The following PDE7B variants were observed in gnomAD, a reference collection of about 807,000 sequenced individuals.
PDE7B encodes the protein phosphodiesterase 7B.
PDE7B carries 29 observed loss-of-function variants against 56.2 expected under a neutral mutation model. That is an observed-to-expected ratio of 0.52 (90% CI 0.38 to 0.70). The LOEUF (loss-of-function observed/expected upper bound fraction) is 0.70, where lower values mean the gene tolerates loss of function less well. PDE7B is among the 30% of genes least tolerant of loss of function. PDE7B has a pLI of 0.00. For synonymous variants in PDE7B, 197 were observed against 196.9 expected, an observed-to-expected ratio of 1.00 and a Z score of 0.00; for missense variants, 490 against 565.0, an observed-to-expected ratio of 0.87 and a Z score of 1.35.
intron 1 of PDE7B, among the ~76,000 whole-genome samples, chr6:135,914,184 T>A (rs1371069816): frequency 6.6e-6 from 1 of 152,238 alleles, no homozygotes; most frequent in Non-Finnish European, 1.5e-5. Flanking sequence ...GAGAAACTGA[T>A]GTTGGATATT....
intron 2 of PDE7B, among the ~76,000 whole-genome samples, chr6:135,955,540 C>T (rs1774777169): frequency 6.6e-6 from 1 of 152,030 alleles, no homozygotes; most frequent in Non-Finnish European, 1.5e-5. Flanking sequence ...GACAGGAAGG[C>T]AGGAGAGATT....
chr6:135,904,949 G>A (rs1239878336), intron 1 of PDE7B, among the ~76,000 whole-genome samples: 1 of 152,242 alleles, frequency 6.6e-6, no homozygotes, highest in Non-Finnish European at 1.5e-5. Context: ...ACATTCAGGG[G>A]TGGTTCATGG....
intron 1 of PDE7B, among the ~76,000 whole-genome samples, chr6:135,922,788 A>G (rs1275433980): frequency 1.3e-5 from 2 of 152,216 alleles, no homozygotes; most frequent in African/African-American, 4.8e-5. Context: ...TAGCATCATT[A>G]TACATTACTC....
At chr6:135,999,706 G>T (rs140134906) in intron 2 of PDE7B, among the ~76,000 whole-genome samples, 39 of 151,684 alleles carry the variant, frequency 2.6e-4, no homozygotes, top group African/African-American at 9.4e-4. Flanking sequence ...CTATTGTGAA[G>T]AGTGTTGCAA....
intron 3 of PDE7B, among the ~76,000 whole-genome samples, chr6:136,117,378 C>A (rs17065278): frequency 0.045 from 6,894 of 152,170 alleles, 528 homozygotes; most frequent in African/African-American, 0.15. Context: ...CCACCTTCAA[C>A]GTTTCAGAAT....
At chr6:135,867,306 A>C (rs941680871) in intron 1 of PDE7B, among the ~76,000 whole-genome samples, 1 of 152,192 alleles carries the variant, frequency 6.6e-6, no homozygotes, top group Non-Finnish European at 1.5e-5. Flanking sequence ...CAAAACAGAA[A>C]TTAGAAAATT....
chr6:135,948,290 A>G (rs1253057066), intron 2 of PDE7B, among the ~76,000 whole-genome samples: 1 of 152,076 alleles, frequency 6.6e-6, no homozygotes, highest in Middle Eastern at 3.2e-3. Context: ...TTATAGTAAT[A>G]GAAGTAAACA....
intron 2 of PDE7B, among the ~76,000 whole-genome samples, chr6:135,972,908 G>A (rs1348846119): frequency 6.6e-6 from 1 of 152,152 alleles, no homozygotes; most frequent in East Asian, 1.9e-4. Context: ...CACAATGTTT[G>A]GGGGCTTGTT....
intron 3 of PDE7B, among the ~76,000 whole-genome samples, chr6:136,118,030 T>G (rs1777869142): frequency 6.6e-6 from 1 of 152,196 alleles, no homozygotes; most frequent in Non-Finnish European, 1.5e-5. Context: ...AAGATTTTAA[T>G]TTGATTGGGT....
At position 136,024,282 on chromosome 6, in the gene PDE7B, G is replaced by A. The variant is rs114502620; in HGVS notation, c.82+76758G>A. On this transcript the variant is annotated intron_variant, in intron 2 of 12. Coordinates refer to ENST00000308191, the MANE Select transcript of PDE7B (RefSeq NM_018945.4). ...AAGTTGAAACATAAGGAAAAGAAAT[G>A]GCAGCAGATCAATAGTGAGGTAAAG... Among the ~76,000 whole-genome samples the A allele has an allele frequency of 3.7e-3, 564 of 152,246 alleles. 3 individuals are homozygous for A. Among genetic ancestry groups the A allele is most frequent in the African/African-American group, 0.013 (530 of 41,546 alleles).
chr6:135,928,473 A>ATATATT (rs1774233773), intron 1 of PDE7B, among the ~76,000 whole-genome samples: 2 of 114,482 alleles, frequency 1.7e-5, no homozygotes, highest in Non-Finnish European at 3.5e-5. Flanking sequence ...ATTTATTTAT[A>ATATATT]TATATATATT....
chr6:135,971,379 C>G (rs1469161097), intron 2 of PDE7B, among the ~76,000 whole-genome samples: 1 of 152,110 alleles, frequency 6.6e-6, no homozygotes. Flanking sequence ...GTTGTTTAAG[C>G]CACTTAGTTT....
chr6:136,045,984 T>C (rs1461134555), intron 2 of PDE7B, among the ~76,000 whole-genome samples: 2 of 151,828 alleles, frequency 1.3e-5, no homozygotes, highest in Admixed American at 6.6e-5. Context: ...TCCAAATCTT[T>C]TTGGATGACA....
intron 2 of PDE7B, among the ~76,000 whole-genome samples, chr6:136,031,642 G>C (rs918802434): frequency 3.3e-5 from 5 of 150,184 alleles, no homozygotes; most frequent in African/African-American, 1.2e-4. Context: ...GGGAGGCTGA[G>C]GCAGGAGAAT....
chr6:135,954,361 G>A (rs942988160), intron 2 of PDE7B, among the ~76,000 whole-genome samples: 9 of 152,086 alleles, frequency 5.9e-5, no homozygotes, highest in Non-Finnish European at 8.8e-5. Context: ...TGCATCTCTC[G>A]AGTGTGTCAA....
intron 1 of PDE7B, among the ~76,000 whole-genome samples, chr6:135,906,827 T>TTTTTTTTTTTTTTGTTTTTTTTTTTTTG (rs1554265693): frequency 2.2e-5 from 3 of 133,452 alleles, no homozygotes; most frequent in South Asian, 2.7e-4. Context: ...TTTTTTTTTT[T>TTTTTTTTTTTTTTGTTTTTTTTTTTTTG]TTTTTTTTTA....
intron 2 of PDE7B, among the ~76,000 whole-genome samples, chr6:135,953,158 G>A (rs940956295): frequency 6.6e-6 from 1 of 152,006 alleles, no homozygotes; most frequent in Non-Finnish European, 1.5e-5. Flanking sequence ...TGACAGTAGA[G>A]AAAAATGTTT....
At chr6:135,937,318 C>T (rs533026025) in intron 1 of PDE7B, among the ~76,000 whole-genome samples, 1 of 152,312 alleles carries the variant, frequency 6.6e-6, no homozygotes, top group South Asian at 2.1e-4. Flanking sequence ...AGGCTTGTGC[C>T]CAATCACTAA....
intron 2 of PDE7B, chr6:136,049,585 G>C (rs1031597451): frequency 6.6e-6 from 1 of 152,228 alleles, no homozygotes; most frequent in African/African-American, 2.4e-5. Flanking sequence ...ACTCTTTGTT[G>C]GTTGACCCAG....
Sources: gnomAD v4.1 joint callset for allele counts (sites outside exome capture counted in the v4.1 genomes callset) on GRCh38, gnomAD v4.1.1 for gene constraint, MANE v1.5 for transcripts, NCBI Gene and HGNC (gene_info 2026-07-23, HGNC 2026-07-21) for gene names.